ANK2: variants seen among roughly 807,000 people sequenced by gnomAD.
ANK2 encodes ankyrin-2.
Under a neutral mutation model 360.5 loss-of-function variants are expected in ANK2, and 83 were observed. The ratio of observed to expected loss-of-function variants is 0.23; its 90% CI spans 0.19 to 0.28. ANK2 has a LOEUF of 0.28. ANK2 is among the 10% of genes least tolerant of loss of function. ANK2 has a pLI of 1.00. For synonymous variants in ANK2, 1,740 were observed against 1,759.5 expected (o/e 0.99, Z 0.28); for missense variants, 4,201 against 4,795.7 (o/e 0.88, Z 3.66).
At chr4:112,967,509 T>C (rs961449462) in intron 2 of ANK2, among the ~76,000 whole-genome samples, 5 of 152,208 alleles carry the variant, frequency 3.3e-5, no homozygotes, top group Admixed American at 1.3e-4. Context: ...ATGATAAAAA[T>C]GGCCCATTGT....
In ANK2 at chr4:112,897,685, G is replaced by C. The variant is rs372768407; in HGVS notation, c.-39-6770G>C. Among the ~76,000 whole-genome samples, 10 of 152,232 alleles carry C rather than the reference G, an allele frequency of 6.6e-5. No homozygotes were observed. The East Asian group carries it at 1.9e-3, about 29-fold the overall frequency. Reference sequence around the variant, plus strand: ...GCTCAGCTCTCCATGCTGTGCATCTGCTTGGTGAGTGGCTTGAACATCTGT... The same window carrying C: ...GCTCAGCTCTCCATGCTGTGCATCTCCTTGGTGAGTGGCTTGAACATCTGT... On this transcript the variant is annotated intron_variant, in intron 1 of 30. Transcript: ENST00000503271.
the ANK2 span, among the ~76,000 whole-genome samples, chr4:112,716,829 TG>T: frequency 6.6e-6 from 1 of 152,226 alleles, no homozygotes; most frequent in Non-Finnish European, 1.5e-5. Flanking sequence ...GATGGATATG[TG>T]GGAAAAGTAA....
intron 4 of ANK2, among the ~76,000 whole-genome samples, chr4:113,210,118 T>A (rs1029593654): frequency 3.9e-5 from 6 of 152,190 alleles, no homozygotes; most frequent in African/African-American, 1.4e-4. Flanking sequence ...GCTCATCAAG[T>A]TTCTTATTTA....
intron 1 of ANK2, among the ~76,000 whole-genome samples, chr4:112,883,756 G>T (rs1429215478): frequency 6.6e-6 from 1 of 151,828 alleles, no homozygotes; most frequent in East Asian, 1.9e-4. Context: ...TGCAATCAGA[G>T]AAAGGCTGTT....
intron 20 of ANK2, among the ~76,000 whole-genome samples, chr4:113,290,479 T>C (rs1457824384): frequency 6.6e-6 from 1 of 152,234 alleles, no homozygotes; most frequent in Non-Finnish European, 1.5e-5. Context: ...AGACTATTTG[T>C]TGCTTAAAAT....
At chr4:112,955,410 A>G (rs1450136817) in intron 2 of ANK2, among the ~76,000 whole-genome samples, 2 of 152,186 alleles carry the variant, frequency 1.3e-5, no homozygotes, top group African/African-American at 4.8e-5. Flanking sequence ...TTTTGAGATT[A>G]TATAGTCTAA....
At position 113,278,526 on chromosome 4, in the gene ANK2, G is replaced by A. The variant is rs2153701086; in HGVS notation, c.1849G>A (p.Glu617Lys). Reference protein sequence around the residue: ...DNQKVALLLLEKGASPHATAK... With the variant: ...DNQKVALLLLKKGASPHATAK... ...CCAGAAGGTGGCGCTGCTGTTACTG[G>A]AGAAGGGTGCTTCCCCTCATGCCAC... The change falls in exon 17 of 46, where the codon GAG becomes AAG. Residue 617 changes from glutamate to lysine, a missense_variant. Coordinates refer to ENST00000357077, the MANE Select transcript of ANK2 (RefSeq NM_001148.6). 3 of 1,613,972 alleles carry A rather than the reference G, an allele frequency of 1.9e-6. No homozygotes were observed. Among genetic ancestry groups the A allele is most frequent in the Non-Finnish European group, 2.5e-6 (3 of 1,179,944 alleles).
At chr4:113,131,707 A>G (rs984376316) in intron 1 of ANK2, among the ~76,000 whole-genome samples, 5 of 152,198 alleles carry the variant, frequency 3.3e-5, no homozygotes, top group Non-Finnish European at 7.3e-5. Context: ...CCAAAGGCAC[A>G]ATTGTGTTGC....
the ANK2 span, among the ~76,000 whole-genome samples, chr4:112,712,622 T>C: frequency 2.0e-5 from 3 of 151,282 alleles, no homozygotes; most frequent in South Asian, 2.1e-4. Context: ...TTAGCCAGGA[T>C]GGTCTCGATC....
At chr4:112,827,237 A>G in intron 1 of ANK2, 2 of 1,065,890 alleles carry the variant, frequency 1.9e-6, no homozygotes, top group South Asian at 1.2e-5. Context: ...AAGCAGAGAA[A>G]GGATTTAGAA....
At chr4:113,365,622 T>C (rs2096493555) in intron 41 of ANK2, among the ~76,000 whole-genome samples, 1 of 152,060 alleles carries the variant, frequency 6.6e-6, no homozygotes, top group Non-Finnish European at 1.5e-5. Context: ...TTTTCAGTGT[T>C]AAAGTTCCCC....
At chr4:113,042,543 T>C (rs1258147096) in intron 2 of ANK2, among the ~76,000 whole-genome samples, 1 of 152,168 alleles carries the variant, frequency 6.6e-6, no homozygotes, top group African/African-American at 2.4e-5. Flanking sequence ...TTTCAACATG[T>C]AAATTTTGCA....
At chr4:113,305,157 G>A (rs1382574920) in intron 23 of ANK2, among the ~76,000 whole-genome samples, 4 of 150,920 alleles carry the variant, frequency 2.7e-5, no homozygotes, top group Non-Finnish European at 5.9e-5. Flanking sequence ...CGGCTAAAAC[G>A]GTGAAACCCC....
chr4:113,068,186 A>G (rs967185202), intron 1 of ANK2, among the ~76,000 whole-genome samples: 5 of 152,352 alleles, frequency 3.3e-5, no homozygotes, highest in East Asian at 1.9e-4. Context: ...TGATGAGCAC[A>G]TAAGTTTTTC....
At chr4:113,092,093 C>T (rs1420452271) in intron 1 of ANK2, among the ~76,000 whole-genome samples, 1 of 143,590 alleles carries the variant, frequency 7.0e-6, no homozygotes, top group East Asian at 1.9e-4. Flanking sequence ...TTTTAAATGT[C>T]ATTTTTTTCT....
At chr4:112,830,778 G>C (rs2059538860) in intron 1 of ANK2, among the ~76,000 whole-genome samples, 2 of 152,194 alleles carry the variant, frequency 1.3e-5, no homozygotes. Flanking sequence ...GCCAAAGCCA[G>C]CTCCCTCTGC....
chr4:112,891,419 C>T (rs2079996403), intron 1 of ANK2, among the ~76,000 whole-genome samples: 1 of 152,072 alleles, frequency 6.6e-6, no homozygotes, highest in South Asian at 2.1e-4. Context: ...TTTTTCAAAA[C>T]AGGATACTTT....
chr4:112,796,800 A>C, the ANK2 span, among the ~76,000 whole-genome samples: 5 of 152,210 alleles, frequency 3.3e-5, no homozygotes, highest in African/African-American at 1.2e-4. Context: ...AGTGTTTAAC[A>C]ATGATCAATG....
chr4:113,011,581 G>A (rs1290867034), intron 2 of ANK2, among the ~76,000 whole-genome samples: 1 of 151,956 alleles, frequency 6.6e-6, no homozygotes, highest in Non-Finnish European at 1.5e-5. Flanking sequence ...AAAGTAACTA[G>A]AAGATAAGGG....
Sources: gnomAD v4.1 joint callset for allele counts (sites outside exome capture counted in the v4.1 genomes callset) on GRCh38, gnomAD v4.1.1 for gene constraint, MANE v1.5 for transcripts, NCBI Gene and HGNC (gene_info 2026-07-23, HGNC 2026-07-21) for gene names.